The following KANK1 variants were observed in gnomAD, a reference collection of about 807,000 sequenced individuals.
KANK1 encodes KN motif and ankyrin repeat domain-containing protein 1.
KANK1 carries 109 observed loss-of-function variants against 106.2 expected under a neutral mutation model. The ratio of observed to expected loss-of-function variants is 1.03; its 90% CI spans 0.88 to 1.20. KANK1 has a LOEUF of 1.20. Among genes scored for constraint, KANK1 ranks in the 50% most tolerant of loss-of-function variants. KANK1 has a pLI of 0.00. For synonymous variants in KANK1, 873 were observed against 652.2 expected, an observed-to-expected ratio of 1.34 and a Z score of -5.16; for missense variants, 2,399 against 1,710.7, an observed-to-expected ratio of 1.40 and a Z score of -7.10.
intron 1 of KANK1, chr9:559,080 T>C (rs1325929267): frequency 6.6e-6 from 1 of 152,230 alleles, no homozygotes; most frequent in Non-Finnish European, 1.5e-5. Flanking sequence ...TCTTTATTTC[T>C]TAATTAACAA....
intron 1 of KANK1, among the ~76,000 whole-genome samples, chr9:536,256 A>G (rs896564615): frequency 6.6e-6 from 1 of 152,146 alleles, no homozygotes; most frequent in Non-Finnish European, 1.5e-5. Flanking sequence ...CAAGAGAATC[A>G]CTTGAAACCC....
intron 3 of KANK1, among the ~76,000 whole-genome samples, chr9:482,282 T>G (rs4742037): frequency 0.34 from 51,409 of 152,096 alleles, 13,472 homozygotes; most frequent in African/African-American, 0.73. Flanking sequence ...AAGTGACGAG[T>G]GTAATCCTAA....
At chr9:705,518 C>T (rs1055020529) in intron 2 of KANK1, among the ~76,000 whole-genome samples, 2 of 151,586 alleles carry the variant, frequency 1.3e-5, no homozygotes, top group African/African-American at 2.4e-5. Context: ...CGTTGTCAGA[C>T]ATCTCCTTTC....
At chr9:683,214 C>G (rs1817914393) in intron 2 of KANK1, among the ~76,000 whole-genome samples, 1 of 152,132 alleles carries the variant, frequency 6.6e-6, no homozygotes, top group Non-Finnish European at 1.5e-5. Flanking sequence ...CATGGGTACC[C>G]TCCGTGACTT....
At chr9:675,557 T>C (rs1307019057) in intron 1 of KANK1, among the ~76,000 whole-genome samples, 1 of 152,194 alleles carries the variant, frequency 6.6e-6, no homozygotes, top group Non-Finnish European at 1.5e-5. Context: ...ATATAAGTCT[T>C]ATTATGGTAA....
chr9:577,216 C>T (rs1820803492), intron 1 of KANK1, among the ~76,000 whole-genome samples: 1 of 152,178 alleles, frequency 6.6e-6, no homozygotes, highest in African/African-American at 2.4e-5. Flanking sequence ...GATTTTATTC[C>T]CTTATTTGGC....
chr9:709,148 G>A (rs1825185380), intron 2 of KANK1, among the ~76,000 whole-genome samples: 1 of 152,176 alleles, frequency 6.6e-6, no homozygotes, highest in Non-Finnish European at 1.5e-5. Flanking sequence ...TGTCCAAAAG[G>A]AGTCAACACG....
At position 712,540 on chromosome 9, in the gene KANK1, AGT is replaced by A; in HGVS notation, c.1778_1779del (p.Val593GlufsTer43). The A allele has an allele frequency of 1.2e-6, 2 of 1,614,170 alleles. No individual in the cohort carries two copies. The highest frequency in any genetic ancestry group is 1.7e-6 in the Non-Finnish European group (2 of 1,180,034). ...GAGGTCTGTGGAAATGTGTGACAAG[AGT>A]GTGAGTGTGGAAGTCAGCGTCTGCG... ...AGRSVEMCDKSVSVEVSVCET... is the reference protein window; with the variant it reads ...AGRSVEMCDKXVSVEVSVCET... On this transcript the variant is annotated frameshift_variant, in exon 3 of 12. Transcript: ENST00000382297. LOFTEE classifies it high-confidence loss of function.
At chr9:731,078 A>G (rs1244570658) in intron 4 of KANK1, 80 bp from the exon 5 acceptor site, 6 of 697,714 alleles carry the variant, frequency 8.6e-6, no homozygotes, top group Non-Finnish European at 9.5e-6. Context: ...CATGCATGAG[A>G]AAAGAACTGT....
chr9:689,177 G>A (rs888847963), intron 2 of KANK1, among the ~76,000 whole-genome samples: 1 of 152,138 alleles, frequency 6.6e-6, no homozygotes, highest in Non-Finnish European at 1.5e-5. Context: ...ATGTGACAAA[G>A]GTAATAACCA....
intron 1 of KANK1, among the ~76,000 whole-genome samples, chr9:575,057 A>G (rs1820187502): frequency 6.6e-6 from 1 of 152,170 alleles, no homozygotes; most frequent in Non-Finnish European, 1.5e-5. Context: ...ACAAAAACAG[A>G]AAAAGATCCT....
At chr9:693,253 C>A (rs1473026294) in intron 2 of KANK1, among the ~76,000 whole-genome samples, 1 of 152,140 alleles carries the variant, frequency 6.6e-6, no homozygotes, top group Non-Finnish European at 1.5e-5. Context: ...TGCCTCCATT[C>A]CAGCCTCGGT....
intron 2 of KANK1, among the ~76,000 whole-genome samples, chr9:707,559 T>C (rs1343508409): frequency 2.7e-4 from 2 of 7,320 alleles, no homozygotes; most frequent in East Asian, 9.5e-3. Flanking sequence ...GTCTGGCTGC[T>C]GCAGCTTCTC....
rs768185577 is a variant in KANK1, at chr9:712,483, G to A, written c.1717G>A (p.Glu573Lys). 2.5e-6 allele frequency: 4 copies of A among 1,614,178 alleles called. No homozygotes were observed. Among genetic ancestry groups the A allele is most frequent in the Non-Finnish European group, 3.4e-6 (4 of 1,180,040 alleles). ...GCCTATGAATTGGTGGATTGTTAAGGAGAGGGTGGAAATGCATGACCGATG... is the reference window on the plus strand; with the variant it reads ...GCCTATGAATTGGTGGATTGTTAAGAAGAGGGTGGAAATGCATGACCGATG... ...ELPMNWWIVK[E>K]RVEMHDRCAG... Residue 573 changes from glutamate (E) to lysine (K), a missense_variant, in exon 3 of 12, where the codon GAG (glutamate) becomes AAG (lysine). By Grantham distance (56) the Glu-to-Lys change is moderately conservative (BLOSUM62 1). Coordinates refer to ENST00000382297, the MANE Select transcript of KANK1 (RefSeq NM_015158.5).
At chr9:475,019 T>TA (rs2058079990) in intron 3 of KANK1, among the ~76,000 whole-genome samples, 1 of 152,076 alleles carries the variant, frequency 6.6e-6, no homozygotes, top group African/African-American at 2.4e-5. Context: ...ACATGGTTGT[T>TA]ACACCGTCTC....
At chr9:717,328 C>T (rs1306306480) in intron 3 of KANK1, among the ~76,000 whole-genome samples, 3 of 152,032 alleles carry the variant, frequency 2.0e-5, no homozygotes, top group Non-Finnish European at 2.9e-5. Flanking sequence ...TTCAGAAGAG[C>T]ATATAATAAA....
At chr9:526,449 G>A (rs1404213453) in intron 1 of KANK1, among the ~76,000 whole-genome samples, 1 of 151,724 alleles carries the variant, frequency 6.6e-6, no homozygotes, top group Non-Finnish European at 1.5e-5. Context: ...GTGGTGGCTC[G>A]TGCCTGTAAT....
At chr9:545,919 T>C (rs2060904061) in intron 1 of KANK1, among the ~76,000 whole-genome samples, 2 of 151,946 alleles carry the variant, frequency 1.3e-5, no homozygotes, top group African/African-American at 2.4e-5. Context: ...CTAATTTTTT[T>C]GTATTTTTAG....
chr9:633,698 G>A (rs1016899598), intron 1 of KANK1, among the ~76,000 whole-genome samples: 1 of 152,158 alleles, frequency 6.6e-6, no homozygotes, highest in East Asian at 1.9e-4. Context: ...TGTCACCCAG[G>A]CTAGTGTGCA....
Sources: gnomAD v4.1 joint callset for allele counts (sites outside exome capture counted in the v4.1 genomes callset) on GRCh38, gnomAD v4.1.1 for gene constraint, MANE v1.5 for transcripts, NCBI Gene and HGNC (gene_info 2026-07-23, HGNC 2026-07-21) for gene names.